The following FMN1 variants were observed in gnomAD, a reference collection of about 807,000 sequenced individuals.
The protein encoded by FMN1 is formin-1.
In FMN1, 110 loss-of-function variants were observed where a neutral mutation model predicts 132.4. The observed-to-expected ratio is 0.83, with a 90% CI of 0.71 to 0.97. The LOEUF is 0.97. Ranked by LOEUF, FMN1 falls within the 50% of genes least tolerant of loss-of-function variation. FMN1 has a pLI of 0.00. For missense variants in FMN1, 1,792 were observed against 1,705.3 expected (o/e 1.05, Z -0.90); for synonymous variants, 722 against 651.7 (o/e 1.11, Z -1.64).
intron 6 of FMN1, among the ~76,000 whole-genome samples, chr15:33,047,008 A>C (rs1287919266): frequency 6.6e-6 from 1 of 152,226 alleles, no homozygotes; most frequent in African/African-American, 2.4e-5. Context: ...GTTCCCTGAA[A>C]CAAGCAAAAA....
chr15:32,932,526 G>C (rs2061147831), intron 9 of FMN1, among the ~76,000 whole-genome samples: 1 of 152,202 alleles, frequency 6.6e-6, no homozygotes, highest in South Asian at 2.1e-4. Flanking sequence ...AATGAATTTG[G>C]AAGGGTGACC....
At chr15:32,822,637 T>A (rs949641374) in intron 17 of FMN1, among the ~76,000 whole-genome samples, 5 of 152,176 alleles carry the variant, frequency 3.3e-5, no homozygotes, top group Non-Finnish European at 5.9e-5. Context: ...TGTACATTTA[T>A]TTTTCATTGC....
chr15:33,007,483 T>C (rs2034480476), intron 7 of FMN1, among the ~76,000 whole-genome samples: 1 of 152,138 alleles, frequency 6.6e-6, no homozygotes. Context: ...CCCTCAGTCA[T>C]TCCGGGCTTC....
At chr15:32,990,205 T>C (rs900418471) in intron 7 of FMN1, among the ~76,000 whole-genome samples, 3 of 151,764 alleles carry the variant, frequency 2.0e-5, no homozygotes, top group African/African-American at 4.8e-5. Flanking sequence ...ATAAGGGAAA[T>C]CTCCAAGAGA....
chr15:32,839,732 C>T (rs775700970), intron 17 of FMN1, among the ~76,000 whole-genome samples: 4 of 151,160 alleles, frequency 2.6e-5, no homozygotes, highest in Admixed American at 2.0e-4. Flanking sequence ...TCTTGAGAAC[C>T]GATTTCTCCT....
chr15:33,085,049 A>T (rs1370693625), intron 5 of FMN1, among the ~76,000 whole-genome samples: 3 of 152,142 alleles, frequency 2.0e-5, no homozygotes, highest in African/African-American at 7.2e-5. Context: ...AGCCCACCAG[A>T]GGAAAGGGGT....
intron 10 of FMN1, 22 bp downstream of exon 10, chr15:32,926,152 A>G: frequency 9.4e-6 from 12 of 1,275,896 alleles, no homozygotes; most frequent in Non-Finnish European, 1.3e-5. Flanking sequence ...AAAGTAAAAC[A>G]AAAGTGATAG....
At position 33,055,290 on chromosome 15, in the gene FMN1, A is replaced by G. The variant is rs886848741; in HGVS notation, c.2161+9667T>C. ...AATCAAAATATGTTTAAACCTACCTATGACCTGGAAGTCCCCCCACCCCTT... is the reference window on the plus strand; with the variant it reads ...AATCAAAATATGTTTAAACCTACCTGTGACCTGGAAGTCCCCCCACCCCTT... On this transcript the variant is annotated intron_variant, in intron 6 of 20. Transcript: ENST00000616417. Among the ~76,000 whole-genome samples the G allele has an allele frequency of 3.3e-5, 5 of 152,240 alleles. 1 individual carries two copies. The South Asian group carries it at 1.0e-3, about 32-fold the overall frequency.
At chr15:33,114,405 T>A (rs1401611382) in intron 4 of FMN1, among the ~76,000 whole-genome samples, 1 of 152,216 alleles carries the variant, frequency 6.6e-6, no homozygotes, top group Admixed American at 6.5e-5. Flanking sequence ...GCAGAAATGA[T>A]AAAAATATGA....
At chr15:32,799,120 A>G (rs1028485034) in intron 18 of FMN1, among the ~76,000 whole-genome samples, 167 bp from the exon 19 acceptor site, 2 of 152,142 alleles carry the variant, frequency 1.3e-5, no homozygotes, top group African/African-American at 4.8e-5. Flanking sequence ...CAGAAAATCT[A>G]TTTGCTCAAA....
At chr15:32,999,372 C>G (rs1020390159) in intron 7 of FMN1, among the ~76,000 whole-genome samples, 2 of 152,194 alleles carry the variant, frequency 1.3e-5, no homozygotes, top group Non-Finnish European at 2.9e-5. Flanking sequence ...GTTTCAACAG[C>G]AATGTGTAAA....
At chr15:32,896,530 A>G (rs531721504) in intron 15 of FMN1, among the ~76,000 whole-genome samples, 1 of 152,234 alleles carries the variant, frequency 6.6e-6, no homozygotes, top group East Asian at 1.9e-4. Context: ...GATCTCTAGA[A>G]CTTCTTCATC....
intron 4 of FMN1, among the ~76,000 whole-genome samples, chr15:33,113,088 C>A (rs142958764): frequency 3.5e-3 from 535 of 152,262 alleles, no homozygotes; most frequent in South Asian, 6.4e-3. Context: ...GTGTTTAACA[C>A]CCCCAAGGCA....
At chr15:32,888,146 C>G in intron 16 of FMN1, 26 bp downstream of exon 16, 1 of 1,563,042 alleles carries the variant, frequency 6.4e-7, no homozygotes, top group Non-Finnish European at 8.7e-7. Context: ...TAGCTATTAT[C>G]ATAATAGCAG....
chr15:32,983,004 A>G (rs2032798722), intron 7 of FMN1, among the ~76,000 whole-genome samples: 1 of 152,196 alleles, frequency 6.6e-6, no homozygotes, highest in African/African-American at 2.4e-5. Flanking sequence ...ACATTAATAT[A>G]TATCTATATA....
chr15:33,117,870 T>C (rs558400877), intron 4 of FMN1, among the ~76,000 whole-genome samples: 23 of 152,336 alleles, frequency 1.5e-4, no homozygotes, highest in Admixed American at 5.2e-4. Flanking sequence ...AAAGTTCAGA[T>C]TGACCTCGCA....
chr15:33,164,831 G>C (rs979574833), intron 3 of FMN1, among the ~76,000 whole-genome samples: 5 of 152,016 alleles, frequency 3.3e-5, no homozygotes, highest in African/African-American at 1.2e-4. Context: ...TATACTTATG[G>C]GGTACATGAA....
intron 4 of FMN1, among the ~76,000 whole-genome samples, chr15:33,095,423 TCTCA>T (rs981685000): frequency 1.8e-4 from 28 of 152,072 alleles, no homozygotes; most frequent in African/African-American, 6.5e-4. Flanking sequence ...TGAGATGGAG[TCTCA>T]CTGTGTCACC....
intron 4 of FMN1, among the ~76,000 whole-genome samples, chr15:33,095,920 A>AT (rs1321249848): frequency 6.6e-6 from 1 of 151,840 alleles, no homozygotes; most frequent in African/African-American, 2.4e-5. Context: ...ATAATAAATG[A>AT]TTTTTTTAAA....
Sources: gnomAD v4.1 joint callset for allele counts (sites outside exome capture counted in the v4.1 genomes callset) on GRCh38, gnomAD v4.1.1 for gene constraint, MANE v1.5 for transcripts, NCBI Gene and HGNC (gene_info 2026-07-23, HGNC 2026-07-21) for gene names.